ZBTB20: variants seen among roughly 807,000 people sequenced by gnomAD.
ZBTB20 encodes zinc finger and BTB domain containing 20, also known as zinc finger and BTB domain-containing protein 20.
A neutral mutation model predicts 56.9 loss-of-function variants in ZBTB20; 9 were observed. That is an observed-to-expected ratio of 0.16 (90% CI 0.10 to 0.28). The LOEUF (loss-of-function observed/expected upper bound fraction) is 0.28, where lower values mean the gene tolerates loss of function less well. Among genes scored for constraint, ZBTB20 ranks in the 10% least tolerant of loss-of-function variants. The pLI is 1.00. For synonymous variants in ZBTB20, 417 were observed against 420.7 expected (o/e 0.99, Z 0.11); for missense variants, 655 against 1,003.0 (o/e 0.65, Z 4.69).
chr3:114,575,763 G>A (rs1390330306), intron 6 of ZBTB20, among the ~76,000 whole-genome samples: 1 of 152,094 alleles, frequency 6.6e-6, no homozygotes, highest in African/African-American at 2.4e-5. Flanking sequence ...GTAGTCACTG[G>A]TTTAGAAACG....
intron 5 of ZBTB20, among the ~76,000 whole-genome samples, chr3:114,701,340 A>T (rs1473498170): frequency 6.6e-6 from 1 of 152,138 alleles, no homozygotes; most frequent in Non-Finnish European, 1.5e-5. Flanking sequence ...GTATTAGATA[A>T]TCAATAATTT....
chr3:114,583,753 TG>T, intron 6 of ZBTB20, among the ~76,000 whole-genome samples: 1 of 152,248 alleles, frequency 6.6e-6, no homozygotes, highest in African/African-American at 2.4e-5. Context: ...CCTTAGTTGG[TG>T]TAACCAATGT....
chr3:114,449,953 G>T (rs181340857), intron 7 of ZBTB20, among the ~76,000 whole-genome samples: 95 of 151,974 alleles, frequency 6.3e-4, no homozygotes, highest in African/African-American at 2.1e-3. Context: ...CTTAATTTAC[G>T]CTGCTCGTAT....
chr3:114,495,259 T>A (rs1421522501), intron 7 of ZBTB20, among the ~76,000 whole-genome samples: 1 of 152,248 alleles, frequency 6.6e-6, no homozygotes, highest in African/African-American at 2.4e-5. Flanking sequence ...AGCATGTTTT[T>A]AATAATATCT....
chr3:115,052,192 C>T (rs1426375031), intron 2 of ZBTB20, among the ~76,000 whole-genome samples: 1 of 152,010 alleles, frequency 6.6e-6, no homozygotes, highest in Admixed American at 6.5e-5. Flanking sequence ...GGCATGGTGG[C>T]TCATGCCTGT....
intron 2 of ZBTB20, among the ~76,000 whole-genome samples, chr3:114,975,289 A>G (rs1382298351): frequency 6.6e-6 from 1 of 152,176 alleles, no homozygotes; most frequent in Non-Finnish European, 1.5e-5. Context: ...TGAAATCTCA[A>G]TGATGACCTT....
chr3:114,975,547 G>A (rs1404193494), intron 2 of ZBTB20, among the ~76,000 whole-genome samples: 1 of 152,082 alleles, frequency 6.6e-6, no homozygotes, highest in East Asian at 1.9e-4. Context: ...AGGATTGGTT[G>A]CACTAATAGA....
At chr3:114,420,096 T>G (rs2108816551) in intron 7 of ZBTB20, among the ~76,000 whole-genome samples, 1 of 152,262 alleles carries the variant, frequency 6.6e-6, no homozygotes, top group African/African-American at 2.4e-5. Context: ...CAAAGCAACA[T>G]GAAAACTCTC....
chr3:114,592,933 T>C (rs1420630377), intron 6 of ZBTB20, among the ~76,000 whole-genome samples: 1 of 152,186 alleles, frequency 6.6e-6, no homozygotes, highest in Non-Finnish European at 1.5e-5. Context: ...TAAATCAACA[T>C]TCATTACTTC....
chr3:114,913,964 T>C (rs887077088), intron 3 of ZBTB20, among the ~76,000 whole-genome samples: 5 of 152,106 alleles, frequency 3.3e-5, no homozygotes, highest in African/African-American at 1.2e-4. Flanking sequence ...GCCAGTACCA[T>C]GCTCTTTTGG....
At position 114,542,786 on chromosome 3, in the gene ZBTB20, G is replaced by A. The variant is rs1043929684; in HGVS notation, c.-294-42395C>T. Reference sequence around the variant, plus strand: ...AATCAGAACCATTCAGAATAACATAGTCAAATTCCTTTCCAAAGGTTTAAA... The same window carrying A: ...AATCAGAACCATTCAGAATAACATAATCAAATTCCTTTCCAAAGGTTTAAA... On this transcript the variant is annotated intron_variant, in intron 6 of 11. Transcript: ENST00000675478. 2.0e-5 allele frequency among the ~76,000 whole-genome samples: 3 copies of A among 152,238 alleles called. No homozygotes were observed. In the East Asian group the frequency reaches 5.8e-4, roughly 29 times the overall value.
At chr3:114,798,459 T>G (rs2071482978) in intron 5 of ZBTB20, among the ~76,000 whole-genome samples, 2 of 151,866 alleles carry the variant, frequency 1.3e-5, no homozygotes, top group Admixed American at 1.3e-4. Context: ...TCAACAAGTC[T>G]CAAAAAATGA....
intron 3 of ZBTB20, among the ~76,000 whole-genome samples, chr3:114,937,011 C>T (rs1475948990): frequency 2.0e-5 from 3 of 152,194 alleles, no homozygotes; most frequent in Non-Finnish European, 4.4e-5. Context: ...GCAGGAAAGT[C>T]CTGAGAAAGT....
At chr3:114,477,286 T>C (rs1042472865) in intron 7 of ZBTB20, among the ~76,000 whole-genome samples, 4 of 152,178 alleles carry the variant, frequency 2.6e-5, no homozygotes, top group Non-Finnish European at 5.9e-5. Context: ...ATGTGGTTGA[T>C]ATTGGCCTTA....
chr3:114,767,658 A>G (rs1276738575), intron 5 of ZBTB20, among the ~76,000 whole-genome samples: 1 of 151,934 alleles, frequency 6.6e-6, no homozygotes, highest in Non-Finnish European at 1.5e-5. Flanking sequence ...GGAAAGAAAA[A>G]AAAGGTAAAG....
intron 7 of ZBTB20, among the ~76,000 whole-genome samples, chr3:114,405,061 T>C (rs2087179650): frequency 1.3e-5 from 2 of 152,022 alleles, no homozygotes; most frequent in Admixed American, 1.3e-4. Flanking sequence ...AGAAAAACTT[T>C]CAAGGGTTGC....
chr3:114,572,455 G>A (rs1199303715), intron 6 of ZBTB20, among the ~76,000 whole-genome samples: 1 of 152,168 alleles, frequency 6.6e-6, no homozygotes, highest in Non-Finnish European at 1.5e-5. Context: ...AGAACCTGAG[G>A]TATACAAAGA....
At position 114,608,141 on chromosome 3, in the gene ZBTB20, T is replaced by C. The variant is rs140109806; in HGVS notation, c.-295+85387A>G. Among the ~76,000 whole-genome samples the C allele has an allele frequency of 9.5e-3, 1,440 of 152,204 alleles. 27 individuals carry two copies. The highest frequency in any genetic ancestry group is 0.032 in the African/African-American group (1,312 of 41,546). ...GGCAATTGATATAGAGAAACAAGGA[T>C]GCTTTAAAAAAACAAAAACACCAGT... On this transcript the variant is annotated intron_variant, in intron 6 of 11. Transcript: ENST00000675478.
At chr3:114,963,486 C>T (rs1419736196) in intron 3 of ZBTB20, among the ~76,000 whole-genome samples, 1 of 152,100 alleles carries the variant, frequency 6.6e-6, no homozygotes, top group African/African-American at 2.4e-5. Flanking sequence ...TGAAGTTTTA[C>T]CGCAACCACA....
Sources: gnomAD v4.1 joint callset for allele counts (sites outside exome capture counted in the v4.1 genomes callset) on GRCh38, gnomAD v4.1.1 for gene constraint, MANE v1.5 for transcripts, NCBI Gene and HGNC (gene_info 2026-07-23, HGNC 2026-07-21) for gene names.